CNTNAP5: variants seen among roughly 807,000 people sequenced by gnomAD.
The protein encoded by CNTNAP5 is contactin-associated protein-like 5.
In CNTNAP5, 72 loss-of-function variants were observed where a neutral mutation model predicts 150.2. That is an observed-to-expected ratio of 0.48 (90% CI 0.40 to 0.58). The LOEUF is 0.58. Ranked by LOEUF, CNTNAP5 falls within the 20% of genes least tolerant of loss-of-function variation. The pLI, the probability that CNTNAP5 is intolerant of heterozygous loss-of-function variation, is 0.00. For synonymous variants in CNTNAP5, 672 were observed against 619.8 expected, an observed-to-expected ratio of 1.08 and a Z score of -1.25; for missense variants, 1,636 against 1,626.2, an observed-to-expected ratio of 1.01 and a Z score of -0.10.
intron 1 of CNTNAP5, among the ~76,000 whole-genome samples, chr2:124,165,377 C>A (rs1684787567): frequency 6.6e-6 from 1 of 152,160 alleles, no homozygotes; most frequent in Admixed American, 6.6e-5. Flanking sequence ...ACCTAAGACA[C>A]AATGGATGCA....
chr2:124,448,471 A>G (rs1465044006), intron 6 of CNTNAP5, among the ~76,000 whole-genome samples: 1 of 152,094 alleles, frequency 6.6e-6, no homozygotes, highest in Non-Finnish European at 1.5e-5. Context: ...CTGCTACCAC[A>G]CAGCTCTTCC....
chr2:124,634,339 C>T (rs1461840371), intron 12 of CNTNAP5, among the ~76,000 whole-genome samples: 2 of 152,158 alleles, frequency 1.3e-5, no homozygotes, highest in Non-Finnish European at 2.9e-5. Flanking sequence ...TCTCCAGATA[C>T]TCTAAATCAT....
intron 8 of CNTNAP5, among the ~76,000 whole-genome samples, chr2:124,522,285 A>G (rs1045513475): frequency 2.0e-5 from 3 of 152,164 alleles, no homozygotes; most frequent in African/African-American, 4.8e-5. Context: ...CTACCAAGGC[A>G]GGTCTATTTT....
At chr2:124,708,692 C>T (rs17321284) in intron 13 of CNTNAP5, among the ~76,000 whole-genome samples, 24,750 of 152,110 alleles carry the variant, frequency 0.16, 2,290 homozygotes, top group East Asian at 0.24. Flanking sequence ...AGTTTCCTTG[C>T]TACTACCTTT....
At chr2:124,757,980 A>T (rs1439748347) in intron 14 of CNTNAP5, among the ~76,000 whole-genome samples, 1 of 152,214 alleles carries the variant, frequency 6.6e-6, no homozygotes, top group East Asian at 1.9e-4. Context: ...GCAATAAAGT[A>T]TGAATCATGG....
intron 1 of CNTNAP5, among the ~76,000 whole-genome samples, chr2:124,186,194 G>A (rs1013933888): frequency 5.3e-5 from 8 of 152,146 alleles, no homozygotes; most frequent in Non-Finnish European, 8.8e-5. Flanking sequence ...GAGATCCATC[G>A]ATGTAGAAAA....
At position 124,609,841 on chromosome 2, in the gene CNTNAP5, G is replaced by A. The variant is rs1263895829; in HGVS notation, c.1797G>A (p.Gly599=). 3.7e-6 allele frequency: 6 copies of A among 1,613,860 alleles called. No individual in the cohort carries two copies. Among genetic ancestry groups the A allele is most frequent in the African/African-American group, 2.7e-5 (2 of 74,916 alleles). ...EQSCEVYRHQ[G]NTAGFFYIDS... is the part of the protein sequence containing the mutation. ...CCTGCGAGGTGTACAGGCACCAGGG[G>A]AATACAGCCGGCTTCTTCTACATCG... is the stretch of plus-strand genomic sequence containing the variant. The change falls in exon 12 of 24, where the codon GGG becomes GGA. Residue 599 remains glycine (G), a synonymous_variant. Transcript: ENST00000682447.
intron 1 of CNTNAP5, among the ~76,000 whole-genome samples, chr2:124,050,610 C>T (rs1359041434): frequency 6.6e-6 from 1 of 152,166 alleles, no homozygotes; most frequent in East Asian, 1.9e-4. Flanking sequence ...CTCATGCCTG[C>T]CATCCTGTTG....
At chr2:124,468,759 T>C (rs562367319) in intron 6 of CNTNAP5, among the ~76,000 whole-genome samples, 8 of 152,302 alleles carry the variant, frequency 5.3e-5, no homozygotes, top group African/African-American at 1.9e-4. Flanking sequence ...ACACATTTAC[T>C]GATAACTTCA....
chr2:124,681,107 A>G (rs1282734543), intron 13 of CNTNAP5, among the ~76,000 whole-genome samples: 1 of 151,360 alleles, frequency 6.6e-6, no homozygotes, highest in East Asian at 1.9e-4. Flanking sequence ...CAACATAGTG[A>G]AACCTCATCT....
At chr2:124,588,198 TTCTTTCTTTCTTTCTTTC>T (rs1163228803) in intron 11 of CNTNAP5, among the ~76,000 whole-genome samples, 1 of 143,882 alleles carries the variant, frequency 7.0e-6, no homozygotes, top group Non-Finnish European at 1.5e-5. Flanking sequence ...CTTTCTTTCT[TTCTTTCTTTCTTTCTTTC>T]TTTCTTTCTT....
At chr2:124,099,098 T>C (rs1361902660) in intron 1 of CNTNAP5, among the ~76,000 whole-genome samples, 2 of 152,182 alleles carry the variant, frequency 1.3e-5, no homozygotes, top group African/African-American at 4.8e-5. Context: ...TCATGCCGCA[T>C]ATATCCATCC....
chr2:124,764,161 A>G lies in CNTNAP5; in HGVS notation c.2533+14A>G. On this transcript the variant is annotated intron_variant, in intron 16 of 23. Transcript: ENST00000682447. ...TCGAAATAAGCTGTAAGTGCCCTCAATTATGAATTTAATGTAACTGATCAA... is the reference window on the plus strand; with the variant it reads ...TCGAAATAAGCTGTAAGTGCCCTCAGTTATGAATTTAATGTAACTGATCAA... 1 of 1,605,048 alleles carries G rather than the reference A, an allele frequency of 6.2e-7. No homozygotes were observed. Among genetic ancestry groups the G allele is most frequent in the African/African-American group, 1.3e-5 (1 of 74,692 alleles).
At chr2:124,331,042 A>T (rs1260322702) in intron 3 of CNTNAP5, among the ~76,000 whole-genome samples, 1 of 152,104 alleles carries the variant, frequency 6.6e-6, no homozygotes, top group Non-Finnish European at 1.5e-5. Flanking sequence ...TAATATCAGA[A>T]ATTACCAGAA....
At chr2:124,303,290 G>C (rs1688609317) in intron 3 of CNTNAP5, among the ~76,000 whole-genome samples, 1 of 152,202 alleles carries the variant, frequency 6.6e-6, no homozygotes, top group Admixed American at 6.5e-5. Flanking sequence ...CATAGCCAGA[G>C]TGTTATGGAA....
chr2:124,544,357 CT>C (rs1227950257), intron 10 of CNTNAP5, among the ~76,000 whole-genome samples: 1 of 152,126 alleles, frequency 6.6e-6, no homozygotes, highest in Non-Finnish European at 1.5e-5. Flanking sequence ...TTAAGACTTC[CT>C]AACATCAGAT....
chr2:124,504,703 ATTTTTTTTTTTTTT>A lies in CNTNAP5; in HGVS notation c.1327+157_1327+170del, dbSNP rs34518488. ...TGTACTCCAAGTCTGAAGAGGCAGC[ATTTTTTTTTTTTTT>A]TTTTTTTTTGAAGATGGAGTCTTGC... On this transcript the variant is annotated intron_variant, in intron 8 of 23. Coordinates refer to ENST00000682447, the MANE Select transcript of CNTNAP5 (RefSeq NM_001367498.1). 4.6e-5 allele frequency: 17 copies of A among 370,678 alleles called. No individual in the cohort carries two copies. The East Asian group carries it at 6.6e-4, about 14-fold the overall frequency. 23.0% of individuals were successfully genotyped at this position (370,678 alleles called of 1,614,324 possible).
chr2:124,809,382 ATTTATT>A, intron 19 of CNTNAP5, among the ~76,000 whole-genome samples: 2 of 8,302 alleles, frequency 2.4e-4, no homozygotes, highest in Middle Eastern at 0.062. Flanking sequence ...ATAATATGGT[ATTTATT>A]TATTTATTTA....
intron 1 of CNTNAP5, among the ~76,000 whole-genome samples, chr2:124,213,119 G>C (rs1022745141): frequency 6.6e-6 from 1 of 151,984 alleles, no homozygotes; most frequent in South Asian, 2.1e-4. Flanking sequence ...ATTACAGGCG[G>C]GAGCCACCGG....
Sources: allele counts gnomAD v4.1 joint callset (sites outside exome capture counted in the v4.1 genomes callset), GRCh38; gene constraint gnomAD v4.1.1; transcripts MANE v1.5; gene names NCBI Gene and HGNC (gene_info 2026-07-23, HGNC 2026-07-21).